Variants in POPDC1 observed in about 807,000 individuals in gnomAD.
POPDC1 encodes the protein popeye domain cAMP effector 1, also known as popeye domain-containing protein 1.
At chr6:105,101,070 A>T in the POPDC1 span, 1 of 1,594,628 alleles carries the variant, frequency 6.3e-7, no homozygotes, top group Non-Finnish European at 8.5e-7. Context: ...CGTCTTGGTA[A>T]CCTGAATTCT....
At chr6:105,119,065 A>T in the POPDC1 span, among the ~76,000 whole-genome samples, 1 of 151,704 alleles carries the variant, frequency 6.6e-6, no homozygotes, top group Non-Finnish European at 1.5e-5. Context: ...GGCGCCTGTA[A>T]TCCCAGCTAT....
chr6:105,123,776 C>G, the POPDC1 span, among the ~76,000 whole-genome samples: 1 of 152,154 alleles, frequency 6.6e-6, no homozygotes, highest in Non-Finnish European at 1.5e-5. Context: ...TCGTTCTTTC[C>G]CCTTAAACAT....
At chr6:105,109,315 G>A in the POPDC1 span, among the ~76,000 whole-genome samples, 1 of 152,134 alleles carries the variant, frequency 6.6e-6, no homozygotes, top group Non-Finnish European at 1.5e-5. Context: ...AGATTTAGGT[G>A]TATTGTTTAA....
the POPDC1 span, chr6:105,099,632 T>G: frequency 2.0e-5 from 3 of 152,190 alleles, no homozygotes; most frequent in Non-Finnish European, 1.5e-5. Flanking sequence ...AAACCATGAT[T>G]TCAGTAGGAA....
At chr6:105,134,173 T>C in the POPDC1 span, among the ~76,000 whole-genome samples, 1 of 152,058 alleles carries the variant, frequency 6.6e-6, no homozygotes, top group Non-Finnish European at 1.5e-5. Context: ...ATGCAAATAA[T>C]ATATAGCCAT....
the POPDC1 span, among the ~76,000 whole-genome samples, chr6:105,130,101 C>T: frequency 6.6e-6 from 1 of 151,620 alleles, no homozygotes; most frequent in Non-Finnish European, 1.5e-5. Flanking sequence ...GGGAAAAATC[C>T]ATAATTCTAC....
the POPDC1 span, among the ~76,000 whole-genome samples, chr6:105,103,868 G>C: frequency 6.6e-6 from 1 of 152,122 alleles, no homozygotes; most frequent in African/African-American, 2.4e-5. Context: ...ATGAAGGGAG[G>C]ACTCAACACA....
At chr6:105,120,734 G>A in the POPDC1 span, among the ~76,000 whole-genome samples, 2 of 152,322 alleles carry the variant, frequency 1.3e-5, no homozygotes, top group South Asian at 2.1e-4. Flanking sequence ...GGGCTCCACC[G>A]TAGGAAACAA....
At chr6:105,121,772 A>G in the POPDC1 span, among the ~76,000 whole-genome samples, 13 of 152,204 alleles carry the variant, frequency 8.5e-5, no homozygotes, top group Admixed American at 2.6e-4. Context: ...ATGCAATCTC[A>G]AGGGACAGTC....
At chr6:105,124,357 G>A in the POPDC1 span, among the ~76,000 whole-genome samples, 1 of 137,410 alleles carries the variant, frequency 7.3e-6, no homozygotes, top group African/African-American at 2.7e-5. Flanking sequence ...ACTCCAGCCT[G>A]GGCGACAGTG....
the POPDC1 span, chr6:105,116,970 T>C: frequency 1.4e-5 from 15 of 1,055,370 alleles, no homozygotes; most frequent in South Asian, 8.3e-5. Context: ...GACATTATCA[T>C]AGCAATGATT....
chr6:105,128,023 G>C, the POPDC1 span, among the ~76,000 whole-genome samples: 27 of 152,384 alleles, frequency 1.8e-4, no homozygotes, highest in African/African-American at 6.3e-4. Context: ...GCTTCCCGAA[G>C]TGTTGGGATT....
chr6:105,123,693 G>A, the POPDC1 span, among the ~76,000 whole-genome samples: 2 of 152,134 alleles, frequency 1.3e-5, no homozygotes, highest in East Asian at 1.9e-4. Context: ...TGCCCGGCTG[G>A]AGCAATTTGT....
chr6:105,135,785 G>C, the POPDC1 span, among the ~76,000 whole-genome samples: 1 of 152,062 alleles, frequency 6.6e-6, no homozygotes. Context: ...TGAAATGCCA[G>C]TTACCTATTG....
chr6:105,101,029 G>A, the POPDC1 span: 3 of 1,526,470 alleles, frequency 2.0e-6, no homozygotes, highest in South Asian at 4.0e-5. Flanking sequence ...AAAAGTGCTG[G>A]TATTTTTCAG....
At chr6:105,129,639 G>A in the POPDC1 span, 19 of 788,752 alleles carry the variant, frequency 2.4e-5, 1 homozygote, top group South Asian at 3.8e-4. Flanking sequence ...CCCAGTGAAC[G>A]CCTGAAACCA....
the POPDC1 span, chr6:105,136,504 C>G: frequency 6.6e-6 from 1 of 152,372 alleles, no homozygotes; most frequent in African/African-American, 2.4e-5. Context: ...CGCCCGGCTG[C>G]ACGCAGGCTC....
chr6:105,133,547 C>T, the POPDC1 span: 17 of 1,613,244 alleles, frequency 1.1e-5, no homozygotes, highest in Non-Finnish European at 1.4e-5. Flanking sequence ...GCAGTTGATT[C>T]TCTCAATGGG....
At chr6:105,098,567 G>A in the POPDC1 span, 1 of 152,146 alleles carries the variant, frequency 6.6e-6, no homozygotes, top group Non-Finnish European at 1.5e-5. Flanking sequence ...ACTCAGGGAA[G>A]GATGTTACAT....
Sources: allele counts gnomAD v4.1 joint callset (sites outside exome capture counted in the v4.1 genomes callset), GRCh38; gene constraint gnomAD v4.1.1; transcripts MANE v1.5; gene names NCBI Gene and HGNC (gene_info 2026-07-23, HGNC 2026-07-21).